LRIF1: variants seen among roughly 807,000 people sequenced by gnomAD.
The protein encoded by LRIF1 is ligand dependent nuclear receptor interacting factor 1, also known as ligand-dependent nuclear receptor-interacting factor 1.
Under a neutral mutation model 52.7 loss-of-function variants are expected in LRIF1, and 32 were observed. That is an observed-to-expected ratio of 0.61 (90% CI 0.46 to 0.82). The LOEUF is 0.82. LRIF1 is among the 40% of genes least tolerant of loss of function. The pLI is 0.00. For synonymous variants in LRIF1, 323 were observed against 317.4 expected (o/e 1.02, Z -0.19); for missense variants, 887 against 892.0 (o/e 0.99, Z 0.07).
chr1:110,910,193 C>T, the LRIF1 span, among the ~76,000 whole-genome samples: 1 of 151,478 alleles, frequency 6.6e-6, no homozygotes, highest in Non-Finnish European at 1.5e-5. Context: ...TAACAGACAT[C>T]GACAGAATGC....
chr1:110,952,878 ATAAATATTTG>A (rs979109746), intron 1 of LRIF1, 63 bp from the exon 2 acceptor site: 66 of 919,036 alleles, frequency 7.2e-5, no homozygotes, highest in African/African-American at 1.6e-4. Context: ...TTATTTAAAA[ATAAATATTTG>A]TAAATATTTG....
rs1373334704 is a variant in LRIF1 at position 110,949,938 on chromosome 1, T to C, written c.1782A>G (p.Gly594=). 1 of 1,614,030 alleles carries C rather than the reference T, an allele frequency of 6.2e-7. No individual in the cohort carries two copies. The highest frequency in any genetic ancestry group is 8.5e-7 in the Non-Finnish European group (1 of 1,180,026). The part of the protein sequence containing the change: ...LTRIPDHLTS[G]EGFDSFSSLV... ...AACTGCTAAAGGAATCGAAACCTTC[T>C]CCAGAGGTCAAATGGTCAGGAATTC... Residue 594 remains glycine, a synonymous_variant, in exon 3 of 4, where the codon GGA becomes GGG. Coordinates refer to ENST00000369763, the MANE Select transcript of LRIF1 (RefSeq NM_018372.4).
At chr1:110,924,504 G>C in the LRIF1 span, among the ~76,000 whole-genome samples, 2 of 152,182 alleles carry the variant, frequency 1.3e-5, no homozygotes, top group Non-Finnish European at 2.9e-5. Flanking sequence ...GCATGAAGAA[G>C]GGCCAAGTGA....
At chr1:110,927,376 G>A in the LRIF1 span, among the ~76,000 whole-genome samples, 1 of 152,016 alleles carries the variant, frequency 6.6e-6, no homozygotes, top group African/African-American at 2.4e-5. Flanking sequence ...AAGAAGTCAG[G>A]AATTAAAAAA....
At chr1:110,956,055 C>G (rs1023633726) in intron 1 of LRIF1, among the ~76,000 whole-genome samples, 1 of 152,136 alleles carries the variant, frequency 6.6e-6, no homozygotes, top group Admixed American at 6.5e-5. Flanking sequence ...TGAGGTAATT[C>G]TCATTTAATG....
downstream of LRIF1, among the ~76,000 whole-genome samples, chr1:110,945,772 T>G (rs1658190429): frequency 6.6e-6 from 1 of 152,184 alleles, no homozygotes; most frequent in Non-Finnish European, 1.5e-5. Flanking sequence ...ACAGAATGTT[T>G]CAACATTTTT....
the LRIF1 span, among the ~76,000 whole-genome samples, chr1:110,902,521 G>GAAAA: frequency 1.2e-5 from 1 of 83,354 alleles, no homozygotes; most frequent in Non-Finnish European, 2.7e-5. Flanking sequence ...AAAAAAAAAA[G>GAAAA]AAATACAGAC....
the LRIF1 span, chr1:110,899,336 G>A: frequency 2.3e-5 from 14 of 601,728 alleles, no homozygotes; most frequent in African/African-American, 2.3e-4. Context: ...TATACAACCA[G>A]AGAAGTGGGT....
At chr1:110,952,898 G>A in intron 1 of LRIF1, 83 bp from the exon 2 acceptor site, 2 of 758,720 alleles carry the variant, frequency 2.6e-6, no homozygotes, top group Non-Finnish European at 3.6e-6. Context: ...GTAAATATTT[G>A]TAAATATTAA....
intron 1 of LRIF1, among the ~76,000 whole-genome samples, chr1:110,963,134 G>A (rs1453189101): frequency 2.0e-5 from 3 of 152,186 alleles, no homozygotes; most frequent in Admixed American, 6.5e-5. Flanking sequence ...ACTATTACTT[G>A]AAATTTTAAA....
the LRIF1 span, among the ~76,000 whole-genome samples, chr1:110,883,780 C>T: frequency 6.6e-6 from 1 of 151,808 alleles, no homozygotes; most frequent in Non-Finnish European, 1.5e-5. Flanking sequence ...TAATTTGTGC[C>T]TTTCAGTGAA....
the LRIF1 span, among the ~76,000 whole-genome samples, chr1:110,907,443 CACT>C: frequency 3.3e-4 from 50 of 152,206 alleles, no homozygotes; most frequent in African/African-American, 1.2e-3. Flanking sequence ...CAACTTCCAC[CACT>C]GCCTCCTGTG....
chr1:110,952,763 T>A lies in LRIF1; in HGVS notation c.121A>T (p.Asn41Tyr), dbSNP rs1658538581. ...GGAATTGGAAGTAATTGCAGAAGATTTTTTCCATCCGAGCCAATCGTCTGA... is the reference window on the plus strand; with the variant it reads ...GGAATTGGAAGTAATTGCAGAAGATATTTTCCATCCGAGCCAATCGTCTGA... ...VVQTIGSDGK[N>Y]LLQLLPIPKS... The change falls in exon 2 of 4, where the codon AAT becomes TAT. Residue 41 changes from asparagine (N) to tyrosine (Y), a missense_variant. Physicochemically the swap from Asn to Tyr is moderately radical, Grantham distance 143. Coordinates refer to ENST00000369763, the MANE Select transcript of LRIF1 (RefSeq NM_018372.4). 1 of 1,613,074 alleles carries A rather than the reference T, an allele frequency of 6.2e-7. No homozygotes were observed.
At chr1:110,950,741 A>T (rs567726360) in intron 2 of LRIF1, among the ~76,000 whole-genome samples, 131 of 152,124 alleles carry the variant, frequency 8.6e-4, no homozygotes, top group Middle Eastern at 3.4e-3. Context: ...AAAAAAATCA[A>T]CCCATCAAAG....
At chr1:110,897,954 G>A in the LRIF1 span, 6 of 882,594 alleles carry the variant, frequency 6.8e-6, no homozygotes, top group South Asian at 7.4e-5. Flanking sequence ...TAAGATTTCA[G>A]AATAATACCA....
chr1:110,949,723 T>A, intron 3 of LRIF1, 128 bp downstream of exon 3: 14 of 1,044,264 alleles, frequency 1.3e-5, no homozygotes, highest in African/African-American at 3.2e-5. Flanking sequence ...TTTGGTATTA[T>A]GTATTTGCAA....
chr1:110,890,964 G>A, the LRIF1 span, among the ~76,000 whole-genome samples: 1 of 152,352 alleles, frequency 6.6e-6, no homozygotes, highest in South Asian at 2.1e-4. Flanking sequence ...AAATCACAGA[G>A]TATTTAAGAA....
At chr1:110,949,081 C>CTG (rs985352950) in intron 3 of LRIF1, among the ~76,000 whole-genome samples, 1 of 151,594 alleles carries the variant, frequency 6.6e-6, no homozygotes, top group Non-Finnish European at 1.5e-5. Flanking sequence ...GCATTTTTAC[C>CTG]TGTGCGTGTG....
At chr1:110,963,285 G>A (rs1659041725) in intron 1 of LRIF1, 2 of 183,302 alleles carry the variant, frequency 1.1e-5, no homozygotes, top group South Asian at 1.3e-4. Context: ...GTTTCTGCGT[G>A]TGCGTGAGAA....
Sources: gnomAD v4.1 joint callset for allele counts (sites outside exome capture counted in the v4.1 genomes callset) on GRCh38, gnomAD v4.1.1 for gene constraint, MANE v1.5 for transcripts, NCBI Gene and HGNC (gene_info 2026-07-23, HGNC 2026-07-21) for gene names.